Variants in ZNF487 observed in about 807,000 individuals in gnomAD.
The protein encoded by ZNF487 is KRAB domain only 1.
Under a neutral mutation model 3.0 loss-of-function variants are expected in ZNF487, and 4 were observed. The observed-to-expected ratio is 1.35, with a 90% CI of 0.66 to 3.08. The LOEUF (loss-of-function observed/expected upper bound fraction) is 3.08, where lower values mean the gene tolerates loss of function less well. Among genes scored for constraint, ZNF487 ranks in the 30% most tolerant of loss-of-function variants. ZNF487 has a pLI of 0.01. For synonymous variants in ZNF487, 55 were observed against 34.6 expected (o/e 1.59, Z -2.06); for missense variants, 146 against 98.7 (o/e 1.48, Z -2.03).
At chr10:43,512,949 C>T in the ZNF487 span, among the ~76,000 whole-genome samples, 306 of 152,348 alleles carry the variant, frequency 2.0e-3, 3 homozygotes, top group Middle Eastern at 6.8e-3. Flanking sequence ...CCCCACACCA[C>T]TGGACCCCTA....
At chr10:43,455,002 T>C (rs145362216) in intron 1 of ZNF487, among the ~76,000 whole-genome samples, 1,653 of 149,464 alleles carry the variant, frequency 0.011, 17 homozygotes, top group Middle Eastern at 0.046. Context: ...CGTTTTCTTT[T>C]AGTTTGCACT....
rs992115606 is a variant in ZNF487, at chr10:43,462,864, G to A, written c.-93-12857G>A. Among the ~76,000 whole-genome samples the A allele has an allele frequency of 1.7e-4, 25 of 151,308 alleles. 1 individual carries two copies. The highest frequency in any genetic ancestry group is 5.4e-4 in the African/African-American group (22 of 41,036). On this transcript the variant is annotated intron_variant, in intron 1 of 3. Coordinates refer to ENST00000437590, the MANE Select transcript of ZNF487 (RefSeq NM_001355444.3). ...AGCTCATTGTAACCTTGAACTCTTC[G>A]ACTCAGGGGATCCTCCTGCCTCAGC...
At chr10:43,486,474 C>T (rs1024953640), downstream of ZNF487, among the ~76,000 whole-genome samples, 4 of 150,970 alleles carry the variant, frequency 2.6e-5, no homozygotes, top group South Asian at 2.1e-4. Context: ...TGCGGTGAGC[C>T]GAGATTGCGC....
the ZNF487 span, among the ~76,000 whole-genome samples, chr10:43,506,208 T>G: frequency 6.6e-6 from 1 of 152,142 alleles, no homozygotes; most frequent in Non-Finnish European, 1.5e-5. Flanking sequence ...CGAAAAACCT[T>G]CCTTATCAAA....
chr10:43,476,402 T>C (rs1841102797), intron 3 of ZNF487, among the ~76,000 whole-genome samples, 200 bp downstream of exon 3: 1 of 152,176 alleles, frequency 6.6e-6, no homozygotes, highest in Admixed American at 6.6e-5. Context: ...AGCTAAATGG[T>C]CTTTGTTTTT....
chr10:43,493,718 AT>A, the ZNF487 span, among the ~76,000 whole-genome samples: 2 of 17,426 alleles, frequency 1.1e-4, no homozygotes. Context: ...AAATATATAT[AT>A]ATATATATAT....
At chr10:43,445,050 C>T (rs1228005360) in intron 1 of ZNF487, among the ~76,000 whole-genome samples, 7 of 151,910 alleles carry the variant, frequency 4.6e-5, no homozygotes, top group Non-Finnish European at 8.8e-5. Flanking sequence ...CAGAAATGAA[C>T]TTAGTTGCCT....
At chr10:43,457,557 GGAAAAAAAAAA>G (rs1012613453) in intron 1 of ZNF487, among the ~76,000 whole-genome samples, 1 of 103,346 alleles carries the variant, frequency 9.7e-6, no homozygotes, top group Non-Finnish European at 2.2e-5. Context: ...TCTGTCTTGG[GGAAAAAAAAAA>G]AAAAAAAAGA....
At chr10:43,487,262 C>G (rs912281267), downstream of ZNF487, among the ~76,000 whole-genome samples, 4 of 150,792 alleles carry the variant, frequency 2.7e-5, no homozygotes, top group Admixed American at 1.3e-4. Context: ...GCCTCAGCCT[C>G]CTGATTAGTT....
intron 1 of ZNF487, chr10:43,458,042 A>C (rs1840284429): frequency 1.4e-5 from 1 of 70,424 alleles, no homozygotes; most frequent in Admixed American, 1.8e-4. Context: ...CAACAACAAC[A>C]AAAACAAAAC....
chr10:43,504,666 G>T, the ZNF487 span, among the ~76,000 whole-genome samples: 1 of 151,478 alleles, frequency 6.6e-6, no homozygotes, highest in East Asian at 1.9e-4. Context: ...GGCTGCTTTG[G>T]GGATTACAGT....
At chr10:43,462,286 TCTTACGTGG>T (rs754939766) in intron 1 of ZNF487, among the ~76,000 whole-genome samples, 7 of 152,214 alleles carry the variant, frequency 4.6e-5, no homozygotes, top group South Asian at 2.1e-4. Flanking sequence ...GCCTGAACCC[TCTTACGTGG>T]CTTTCTAGCC....
chr10:43,511,252 C>T, the ZNF487 span, among the ~76,000 whole-genome samples: 1 of 152,116 alleles, frequency 6.6e-6, no homozygotes, highest in Non-Finnish European at 1.5e-5. Flanking sequence ...TCTGTCAATC[C>T]AGCTGCTTCA....
At chr10:43,474,672 TC>T (rs1564426157) in intron 1 of ZNF487, among the ~76,000 whole-genome samples, 1 of 151,990 alleles carries the variant, frequency 6.6e-6, no homozygotes, top group Non-Finnish European at 1.5e-5. Context: ...AACCTCCACC[TC>T]CCAGGTTCAA....
At chr10:43,512,216 G>A in the ZNF487 span, among the ~76,000 whole-genome samples, 6 of 152,182 alleles carry the variant, frequency 3.9e-5, no homozygotes, top group Non-Finnish European at 8.8e-5. Flanking sequence ...TCTGTTCACT[G>A]ATCATAGGGA....
the ZNF487 span, among the ~76,000 whole-genome samples, chr10:43,489,388 C>T: frequency 5.9e-5 from 9 of 152,172 alleles, no homozygotes; most frequent in Admixed American, 4.6e-4. Flanking sequence ...GAGTCTCGCT[C>T]TGTCGCCCTG....
chr10:43,438,963 C>T lies in ZNF487; in HGVS notation c.-94+1701C>T, dbSNP rs559194915. On this transcript the variant is annotated intron_variant, in intron 1 of 3. Transcript: ENST00000437590. ...GAATACAAAAATTAGCTGGGCAGGC[C>T]GGGCGCGGTGTCTCACGCCTGTAGT... Among the ~76,000 whole-genome samples the T allele has an allele frequency of 6.9e-4, 105 of 151,790 alleles. 3 individuals are homozygous for T. The South Asian group carries it at 0.022, about 31-fold the overall frequency.
At chr10:43,455,465 T>C (rs942063162) in intron 1 of ZNF487, among the ~76,000 whole-genome samples, 1 of 152,236 alleles carries the variant, frequency 6.6e-6, no homozygotes, top group African/African-American at 2.4e-5. Context: ...GTGGGTTCGC[T>C]CGCCTTTCCA....
rs58052353 is a variant in ZNF487, at chr10:43,481,879, C to G, written c.581C>G (p.Ala194Gly). 1 of 699,926 alleles carries G rather than the reference C, an allele frequency of 1.4e-6. No individual in the cohort carries two copies. The allele number at this position is 699,926 out of a possible 1,614,324, so 43.4% of individuals were successfully genotyped here. The part of the protein sequence containing the change: ...QCGKAFHEEA[A>G]CSTHKRVCSW... ...GGGAAGGCTTTTCATGAAGAGGCAGCCTGCAGTACCCATAAGAGAGTGTGC... is the reference window on the plus strand; with the variant it reads ...GGGAAGGCTTTTCATGAAGAGGCAGGCTGCAGTACCCATAAGAGAGTGTGC... The change falls in exon 4 of 4, where the codon GCC becomes GGC. Residue 194 changes from alanine to glycine, a missense_variant. Physicochemically the swap from Ala to Gly is moderately conservative, Grantham distance 60 (BLOSUM62 0). Transcript: ENST00000437590.
Sources: gnomAD v4.1 joint callset for allele counts (sites outside exome capture counted in the v4.1 genomes callset) on GRCh38, gnomAD v4.1.1 for gene constraint, MANE v1.5 for transcripts, NCBI Gene and HGNC (gene_info 2026-07-23, HGNC 2026-07-21) for gene names.